INPP4B: variants seen among roughly 807,000 people sequenced by gnomAD.
INPP4B encodes the protein inositol polyphosphate-4-phosphatase type II B, also known as inositol polyphosphate 4-phosphatase type II.
Under a neutral mutation model 122.5 loss-of-function variants are expected in INPP4B, and 55 were observed. The observed-to-expected ratio is 0.45, with a 90% CI of 0.36 to 0.56. The LOEUF is 0.56. INPP4B is among the 20% of genes least tolerant of loss of function. INPP4B has a pLI of 0.00. For synonymous variants in INPP4B, 403 were observed against 388.7 expected (o/e 1.04, Z -0.43); for missense variants, 1,000 against 1,097.7 (o/e 0.91, Z 1.26).
chr4:142,687,249 G>A (rs1759477770), intron 2 of INPP4B, among the ~76,000 whole-genome samples: 2 of 152,006 alleles, frequency 1.3e-5, no homozygotes, highest in South Asian at 4.1e-4. Context: ...ACTTAGAAAG[G>A]TTTTTGATTA....
chr4:142,423,469 A>G (rs879712887), intron 5 of INPP4B, among the ~76,000 whole-genome samples: 2 of 151,854 alleles, frequency 1.3e-5, no homozygotes, highest in Admixed American at 6.6e-5. Context: ...ATAAAATCCA[A>G]AATCAGTTCA....
intron 3 of INPP4B, among the ~76,000 whole-genome samples, chr4:142,450,459 C>A (rs72946807): frequency 0.048 from 7,234 of 152,274 alleles, 187 homozygotes; most frequent in Middle Eastern, 0.078. Context: ...AGAATCAATT[C>A]TATAAAATAC....
intron 2 of INPP4B, among the ~76,000 whole-genome samples, chr4:142,500,812 ATCTAC>A (rs1187186511): frequency 6.6e-6 from 1 of 152,156 alleles, no homozygotes; most frequent in Admixed American, 6.6e-5. Context: ...CACCTATATG[ATCTAC>A]TCAAAGTAGA....
chr4:142,391,841 G>T (rs2149000155), intron 7 of INPP4B, among the ~76,000 whole-genome samples: 1 of 152,230 alleles, frequency 6.6e-6, no homozygotes. Flanking sequence ...AGGTACATTT[G>T]GTTGCCTGTT....
chr4:142,755,284 T>C (rs1465466005), intron 1 of INPP4B, among the ~76,000 whole-genome samples: 1 of 152,080 alleles, frequency 6.6e-6, no homozygotes, highest in Non-Finnish European at 1.5e-5. Context: ...TATATCATTA[T>C]CTGTTTCTGG....
chr4:142,299,437 G>A (rs1449450994), intron 9 of INPP4B, among the ~76,000 whole-genome samples: 2 of 151,748 alleles, frequency 1.3e-5, no homozygotes, highest in East Asian at 1.9e-4. Flanking sequence ...TTACAGGTGT[G>A]AGCCATCGCA....
chr4:142,806,798 A>G (rs186121961), intron 1 of INPP4B, among the ~76,000 whole-genome samples: 23 of 143,304 alleles, frequency 1.6e-4, no homozygotes, highest in South Asian at 2.2e-4. Context: ...AAAGAAAGAA[A>G]GAAAGAAAGA....
rs576511547 is a variant in INPP4B, at chr4:142,519,902, G to A, written c.-190-57176C>T. ...TATCTTTGAAAACTTTTGGATACCT[G>A]AATAATCTCTGTAATAGAATTGATT... On this transcript the variant is annotated intron_variant, in intron 2 of 25. Transcript: ENST00000262992. 6.0e-4 allele frequency among the ~76,000 whole-genome samples: 91 copies of A among 152,058 alleles called. 1 individual carries two copies. Among genetic ancestry groups the A allele is most frequent in the Non-Finnish European group, 7.1e-4 (48 of 67,912 alleles).
At chr4:142,374,731 C>T (rs926068266) in intron 7 of INPP4B, among the ~76,000 whole-genome samples, 12 of 151,932 alleles carry the variant, frequency 7.9e-5, no homozygotes, top group African/African-American at 2.4e-4. Flanking sequence ...ACACAATTTA[C>T]TCCCAACCAG....
chr4:142,400,238 C>A (rs1357825353), intron 7 of INPP4B, among the ~76,000 whole-genome samples: 1 of 152,190 alleles, frequency 6.6e-6, no homozygotes, highest in African/African-American at 2.4e-5. Context: ...ATTTAGTCAT[C>A]TGACTCAACT....
At chr4:142,503,559 A>G (rs1195523097) in intron 2 of INPP4B, among the ~76,000 whole-genome samples, 2 of 152,134 alleles carry the variant, frequency 1.3e-5, no homozygotes, top group African/African-American at 4.8e-5. Flanking sequence ...GGGAAGACAT[A>G]GTATGAAAAT....
chr4:142,430,734 A>G (rs890704104), intron 4 of INPP4B, among the ~76,000 whole-genome samples: 1 of 152,060 alleles, frequency 6.6e-6, no homozygotes, highest in South Asian at 2.1e-4. Context: ...TTTCTAGTGT[A>G]ACAATTTTTT....
intron 23 of INPP4B, among the ~76,000 whole-genome samples, chr4:142,092,014 C>T (rs2152567169): frequency 6.6e-6 from 1 of 152,286 alleles, no homozygotes; most frequent in Non-Finnish European, 1.5e-5. Context: ...GTGATCCATA[C>T]CCCTTGAAAT....
chr4:142,061,885 C>CATATATAT (rs66485353), intron 25 of INPP4B, among the ~76,000 whole-genome samples: 2 of 139,318 alleles, frequency 1.4e-5, no homozygotes, highest in Non-Finnish European at 3.0e-5. Flanking sequence ...CACACACACA[C>CATATATAT]ATATATATAT....
At chr4:142,650,827 A>G (rs1454519901) in intron 2 of INPP4B, among the ~76,000 whole-genome samples, 1 of 152,210 alleles carries the variant, frequency 6.6e-6, no homozygotes, top group Non-Finnish European at 1.5e-5. Context: ...CAGAAGGTTA[A>G]CAAGGATATC....
chr4:142,619,300 A>C (rs1332399452), intron 2 of INPP4B, among the ~76,000 whole-genome samples: 1 of 152,086 alleles, frequency 6.6e-6, no homozygotes, highest in African/African-American at 2.4e-5. Flanking sequence ...ATGCTCACTG[A>C]GCATGATTCA....
chr4:142,790,846 G>A (rs956603740), intron 1 of INPP4B, among the ~76,000 whole-genome samples: 1 of 150,974 alleles, frequency 6.6e-6, no homozygotes, highest in Admixed American at 6.6e-5. Flanking sequence ...TTCTTTTTAA[G>A]ACCTTGAAAG....
chr4:142,163,270 G>A (rs1313713748), intron 16 of INPP4B, among the ~76,000 whole-genome samples: 1 of 151,920 alleles, frequency 6.6e-6, no homozygotes, highest in Non-Finnish European at 1.5e-5. Flanking sequence ...GCTGTTCTGA[G>A]TCAAGTGATG....
chr4:142,075,500 G>A lies in INPP4B; in HGVS notation c.2642+6531C>T, dbSNP rs1346156253. ...AAACCCTGTAGCCCACTAGCCCACT[G>A]TCACTGAGAGACAATTTAAGCCTTT... is the stretch of plus-strand genomic sequence containing the variant. On this transcript the variant is annotated intron_variant, in intron 25 of 25. Transcript: ENST00000262992. Among the ~76,000 whole-genome samples the A allele has an allele frequency of 3.3e-5, 5 of 152,000 alleles. 1 individual carries two copies. Among genetic ancestry groups the A allele is most frequent in the African/African-American group, 1.2e-4 (5 of 41,426 alleles).
Sources: allele counts gnomAD v4.1 joint callset (sites outside exome capture counted in the v4.1 genomes callset), GRCh38; gene constraint gnomAD v4.1.1; transcripts MANE v1.5; gene names NCBI Gene and HGNC (gene_info 2026-07-23, HGNC 2026-07-21).